The following DENND5A variants were observed in gnomAD, a reference collection of about 807,000 sequenced individuals.
DENND5A encodes DENN domain containing 5A.
Under a neutral mutation model 140.3 loss-of-function variants are expected in DENND5A, and 64 were observed. The observed-to-expected ratio is 0.46, with a 90% CI of 0.37 to 0.56. The LOEUF (loss-of-function observed/expected upper bound fraction) is 0.56, where lower values mean the gene tolerates loss of function less well. Ranked by LOEUF, DENND5A falls within the 20% of genes least tolerant of loss-of-function variation. DENND5A has a pLI of 0.00. For missense variants in DENND5A, 1,292 were observed against 1,593.8 expected (o/e 0.81, Z 3.22); for synonymous variants, 605 against 607.7 (o/e 1.00, Z 0.07).
chr11:9,178,078 A>G, intron 8 of DENND5A, 54 bp downstream of exon 8: 1 of 1,217,924 alleles, frequency 8.2e-7, no homozygotes. Context: ...GAAAAGGGAC[A>G]TGTTAATGCC....
intron 5 of DENND5A, among the ~76,000 whole-genome samples, chr11:9,182,262 G>A (rs1203000724): frequency 2.6e-5 from 4 of 152,190 alleles, no homozygotes; most frequent in African/African-American, 9.6e-5. Flanking sequence ...GTTACAGTAA[G>A]CTGAGATTGT....
intron 5 of DENND5A, 151 bp downstream of exon 5, chr11:9,193,343 A>G: frequency 3.7e-6 from 2 of 543,096 alleles, no homozygotes; most frequent in Non-Finnish European, 6.2e-6. Flanking sequence ...CTAAATATTC[A>G]TTGTTTTTAC....
chr11:9,182,180 G>C lies in DENND5A; in HGVS notation c.1138-1096C>G, dbSNP rs535010176. On this transcript the variant is annotated intron_variant, in intron 5 of 22. Transcript: ENST00000328194. Reference sequence around the variant, plus strand: ...AAAGTACAAAAAGTAGCCAGGTGTGGTGATGGGCACCTGTAATCCCAGCTA... The same window carrying C: ...AAAGTACAAAAAGTAGCCAGGTGTGCTGATGGGCACCTGTAATCCCAGCTA... Among the ~76,000 whole-genome samples the C allele has an allele frequency of 2.0e-5, 3 of 152,274 alleles. No homozygotes were observed. In the East Asian group the frequency reaches 5.8e-4, roughly 29 times the overall value.
intron 15 of DENND5A, among the ~76,000 whole-genome samples, chr11:9,149,501 T>C (rs1366239504): frequency 1.3e-5 from 2 of 152,166 alleles, no homozygotes; most frequent in African/African-American, 4.8e-5. Context: ...TAACAAATGT[T>C]ATGCATGCCT....
At chr11:9,233,675 AAGC>A (rs907707196) in intron 1 of DENND5A, among the ~76,000 whole-genome samples, 11 of 152,134 alleles carry the variant, frequency 7.2e-5, no homozygotes, top group African/African-American at 2.7e-4. Flanking sequence ...GAGAAGACAG[AAGC>A]AGCGATTAGG....
chr11:9,170,668 C>CT lies in DENND5A; in HGVS notation c.2015dup (p.Leu673AlafsTer4). ...CAGTGGAAAGTACATCAGACTGCAG[C>CT]TTAGGGAAGAAGCCCGGCTCATATT... is the stretch of plus-strand genomic sequence containing the variant. On this transcript the variant is annotated frameshift_variant, in exon 9 of 23. Transcript: ENST00000328194. LOFTEE classifies it high-confidence loss of function. 1 of 1,613,954 alleles carries CT rather than the reference C, an allele frequency of 6.2e-7. No individual in the cohort carries two copies. Among genetic ancestry groups the CT allele is most frequent in the Non-Finnish European group, 8.5e-7 (1 of 1,180,016 alleles).
Position 9,151,898 on chromosome 11 carries a change from G to T in DENND5A, c.2521+460C>A, listed in dbSNP as rs143631905. 7.1e-3 allele frequency among the ~76,000 whole-genome samples: 1,078 copies of T among 152,312 alleles called. 6 individuals carry two copies. The highest frequency in any genetic ancestry group is 0.017 in the Middle Eastern group (5 of 294). ...CCACAAACTCTGACATTTTTATTAGGTTAGAAACAGAAAGGAAGTATAAGG... is the reference window on the plus strand; with the variant it reads ...CCACAAACTCTGACATTTTTATTAGTTTAGAAACAGAAAGGAAGTATAAGG... On this transcript the variant is annotated intron_variant, in intron 13 of 22. Coordinates refer to ENST00000328194, the MANE Select transcript of DENND5A (RefSeq NM_015213.4).
In DENND5A at chr11:9,160,767, G is replaced by A. The variant is rs1847953812; in HGVS notation, c.2382C>T (p.Ala794=). 2 of 1,613,650 alleles carry A rather than the reference G, an allele frequency of 1.2e-6. No homozygotes were observed. Among genetic ancestry groups the A allele is most frequent in the African/African-American group, 2.7e-5 (2 of 74,938 alleles). The change falls in exon 12 of 23, where the codon GCC becomes GCT. Residue 794 remains alanine, a synonymous_variant. Transcript: ENST00000328194. Reference sequence around the variant, plus strand: ...TCCTTTCCAGGAGATCACAAAGGCTGGCAATCAGGGTGTTCTCTTCCACCC... The same window carrying A: ...TCCTTTCCAGGAGATCACAAAGGCTAGCAATCAGGGTGTTCTCTTCCACCC... ...ITGVEENTLI[A]SLCDLLERIW... is the part of the protein sequence containing the mutation.
At chr11:9,206,913 A>T (rs1590276006) in intron 2 of DENND5A, 131 bp from the exon 3 acceptor site, 1 of 659,016 alleles carries the variant, frequency 1.5e-6, no homozygotes, top group East Asian at 2.6e-5. Context: ...CAACCATCTA[A>T]GAATAAAAAT....
chr11:9,239,460 C>T (rs571653045), intron 1 of DENND5A, among the ~76,000 whole-genome samples: 3 of 152,078 alleles, frequency 2.0e-5, no homozygotes, highest in Admixed American at 6.6e-5. Context: ...CCTCAGCCTC[C>T]CAAGTAGCTG....
chr11:9,263,848 C>CAAAAAAA (rs57967676), intron 1 of DENND5A, among the ~76,000 whole-genome samples: 5 of 65,072 alleles, frequency 7.7e-5, no homozygotes, highest in Admixed American at 1.9e-4. Context: ...GACTCCGTCT[C>CAAAAAAA]AAAAAAAAAA....
At chr11:9,206,601 C>G in intron 3 of DENND5A, 72 bp downstream of exon 3, 1 of 1,113,614 alleles carries the variant, frequency 9.0e-7, no homozygotes, top group Non-Finnish European at 1.4e-6. Flanking sequence ...ACTGCTACCA[C>G]AGCCTGAACT....
Sources: gnomAD v4.1 joint callset for allele counts (sites outside exome capture counted in the v4.1 genomes callset) on GRCh38, gnomAD v4.1.1 for gene constraint, MANE v1.5 for transcripts, NCBI Gene and HGNC (gene_info 2026-07-23, HGNC 2026-07-21) for gene names.